Variants in YPEL2 observed in about 807,000 individuals in gnomAD.
YPEL2 encodes the protein protein yippee-like 2.
YPEL2 carries 2 observed loss-of-function variants against 19.1 expected under a neutral mutation model. The ratio of observed to expected loss-of-function variants is 0.10; its 90% CI spans 0.04 to 0.33. The LOEUF (loss-of-function observed/expected upper bound fraction) is 0.33, where lower values mean the gene tolerates loss of function less well. Ranked by LOEUF, YPEL2 falls within the 10% of genes least tolerant of loss-of-function variation. The probability of loss-of-function intolerance (pLI) is 1.00; values close to 1 mark genes in which losing one functional copy is unlikely to be tolerated. For synonymous variants in YPEL2, 52 were observed against 50.0 expected (o/e 1.04, Z -0.17); for missense variants, 66 against 140.7 (o/e 0.47, Z 2.68).
intron 2 of YPEL2, among the ~76,000 whole-genome samples, chr17:59,367,710 A>G (rs1598040830): frequency 6.6e-6 from 1 of 152,210 alleles, no homozygotes; most frequent in South Asian, 2.1e-4. Context: ...GCACTGTGCT[A>G]ATTGACAAGG....
Position 59,398,958 on chromosome 17 carries a change from G to C in YPEL2, c.*1768G>C, listed in dbSNP as rs1048983248. The C allele has an allele frequency of 1.3e-5, 2 of 152,228 alleles. No individual in the cohort carries two copies. Among genetic ancestry groups the C allele is most frequent in the Middle Eastern group, 3.2e-3 (1 of 316 alleles). The allele number at this position is 152,228 out of a possible 1,614,324, so 9.4% of individuals were successfully genotyped here. A position where few individuals can be genotyped will look rare whatever the true frequency, so the allele number is the denominator to read the frequency against. On this transcript the variant is annotated 3_prime_UTR_variant, in exon 5 of 5. Transcript: ENST00000312655. ...GCTTTTTTGTGTGTCTCCACGCGCTGATGGTGGAATGGGAGCCCCAAGACG... is the reference window on the plus strand; with the variant it reads ...GCTTTTTTGTGTGTCTCCACGCGCTCATGGTGGAATGGGAGCCCCAAGACG...
At chr17:59,363,163 G>T (rs8082454) in intron 2 of YPEL2, 41,865 of 147,122 alleles carry the variant, frequency 0.28, 6,192 homozygotes, top group East Asian at 0.54. Context: ...TATATATATA[G>T]AGAGAGAGAG....
At chr17:59,339,533 C>CGT (rs1157575555) in intron 1 of YPEL2, among the ~76,000 whole-genome samples, 2 of 152,090 alleles carry the variant, frequency 1.3e-5, no homozygotes, top group Non-Finnish European at 2.9e-5. Context: ...AGCTGAGAGT[C>CGT]TGAGGGTGTT....
intron 4 of YPEL2, among the ~76,000 whole-genome samples, chr17:59,392,502 G>A (rs1401869570): frequency 4.7e-5 from 7 of 147,620 alleles, no homozygotes; most frequent in African/African-American, 1.8e-4. Flanking sequence ...GCCAGCTCAG[G>A]GCACGTTTTT....
intron 2 of YPEL2, among the ~76,000 whole-genome samples, chr17:59,385,298 A>G (rs1455581318): frequency 2.6e-5 from 4 of 152,244 alleles, no homozygotes; most frequent in African/African-American, 7.2e-5. Flanking sequence ...GACTGGACGC[A>G]GTGACTCACA....
At chr17:59,375,633 AAC>A (rs1441168250) in intron 2 of YPEL2, among the ~76,000 whole-genome samples, 2 of 152,214 alleles carry the variant, frequency 1.3e-5, no homozygotes, top group Non-Finnish European at 2.9e-5. Flanking sequence ...GATTCACAGT[AAC>A]ACAACTCACA....
At position 59,337,183 on chromosome 17, in the gene YPEL2, C is replaced by CTT. The variant is rs146083930; in HGVS notation, c.-196+5367_-196+5368dup. 3.6e-3 allele frequency among the ~76,000 whole-genome samples: 493 copies of CTT among 136,470 alleles called. 15 individuals are homozygous for CTT. The highest frequency in any genetic ancestry group is 0.022 in the Middle Eastern group (6 of 270). 89.5% of individuals were successfully genotyped at this position (136,470 alleles called of 152,430 possible). ...CTTTAAGAAGTTCATGGGAGAAATT[C>CTT]TTTTTTTTTGTTTTTTTTGTTTGAG... On this transcript the variant is annotated intron_variant, in intron 1 of 4. Coordinates refer to ENST00000312655, the MANE Select transcript of YPEL2 (RefSeq NM_001005404.4).
At chr17:59,384,761 A>G (rs2147955310) in intron 2 of YPEL2, among the ~76,000 whole-genome samples, 1 of 152,346 alleles carries the variant, frequency 6.6e-6, no homozygotes, top group African/African-American at 2.4e-5. Flanking sequence ...CTGCCCTGGT[A>G]AGTCTCACAA....
intron 2 of YPEL2, among the ~76,000 whole-genome samples, chr17:59,361,872 C>T (rs1216429596): frequency 6.6e-6 from 1 of 152,090 alleles, no homozygotes; most frequent in Non-Finnish European, 1.5e-5. Context: ...AAGCAGAAGC[C>T]TCAAATGATG....
At chr17:59,396,268 C>T (rs2048038871) in intron 4 of YPEL2, among the ~76,000 whole-genome samples, 1 of 152,160 alleles carries the variant, frequency 6.6e-6, no homozygotes, top group Admixed American at 6.5e-5. Context: ...TATTGAAATT[C>T]TGTTATGTGC....
intron 2 of YPEL2, among the ~76,000 whole-genome samples, chr17:59,377,027 A>G (rs1012100890): frequency 1.3e-5 from 2 of 151,496 alleles, no homozygotes; most frequent in Non-Finnish European, 2.9e-5. Context: ...CTTCTGTAGC[A>G]TGTGGCTTCC....
At chr17:59,375,372 ATTCTTTGCTAG>A (rs1256151401) in intron 2 of YPEL2, among the ~76,000 whole-genome samples, 1 of 152,240 alleles carries the variant, frequency 6.6e-6, no homozygotes, top group Non-Finnish European at 1.5e-5. Flanking sequence ...ATTCTTCAGT[ATTCTTTGCTAG>A]TTCTTTGCTA....
chr17:59,394,120 G>A (rs960310304), intron 4 of YPEL2, among the ~76,000 whole-genome samples: 5 of 151,170 alleles, frequency 3.3e-5, no homozygotes, highest in Non-Finnish European at 7.4e-5. Flanking sequence ...CCTCCCGGAC[G>A]CGGCAGCTGG....
chr17:59,378,525 G>A (rs896456424), intron 2 of YPEL2, among the ~76,000 whole-genome samples: 7 of 151,902 alleles, frequency 4.6e-5, no homozygotes, highest in African/African-American at 1.7e-4. Flanking sequence ...TGGTAGAGAC[G>A]GAGTTTCACC....
chr17:59,354,842 C>T (rs887495953), intron 2 of YPEL2: 3 of 152,156 alleles, frequency 2.0e-5, no homozygotes, highest in Non-Finnish European at 4.4e-5. Context: ...AGCTTCCCTT[C>T]GAATTTTGGG....
At chr17:59,347,518 C>T (rs1019120860) in intron 1 of YPEL2, among the ~76,000 whole-genome samples, 2 of 152,154 alleles carry the variant, frequency 1.3e-5, no homozygotes, top group Admixed American at 6.5e-5. Context: ...ATAGACAACA[C>T]TGGCTGGCAT....
chr17:59,377,575 G>A (rs2047928647), intron 2 of YPEL2, among the ~76,000 whole-genome samples: 1 of 152,198 alleles, frequency 6.6e-6, no homozygotes, highest in African/African-American at 2.4e-5. Context: ...CCTCTCTGCA[G>A]GATGCTGAGA....
At chr17:59,340,739 G>A (rs561130094) in intron 1 of YPEL2, among the ~76,000 whole-genome samples, 5 of 137,316 alleles carry the variant, frequency 3.6e-5, no homozygotes, top group East Asian at 4.5e-4. Flanking sequence ...TTGAAATGGC[G>A]ATGTCTTGCT....
intron 2 of YPEL2, among the ~76,000 whole-genome samples, chr17:59,365,305 G>A (rs1267964799): frequency 1.3e-5 from 2 of 152,176 alleles, no homozygotes; most frequent in Admixed American, 6.5e-5. Context: ...GTCTCAGGAG[G>A]TGATGAAATA....
Sources: gnomAD v4.1 joint callset for allele counts (sites outside exome capture counted in the v4.1 genomes callset) on GRCh38, gnomAD v4.1.1 for gene constraint, MANE v1.5 for transcripts, NCBI Gene and HGNC (gene_info 2026-07-23, HGNC 2026-07-21) for gene names.